The following XRRA1 variants were observed in gnomAD, a reference collection of about 807,000 sequenced individuals.
XRRA1 encodes the protein X-ray radiation resistance-associated protein 1.
XRRA1 carries 69 observed loss-of-function variants against 80.2 expected under a neutral mutation model. That is an observed-to-expected ratio of 0.86 (90% confidence interval 0.71 to 1.05). The LOEUF (loss-of-function observed/expected upper bound fraction) is 1.05, where lower values mean the gene tolerates loss of function less well. Ranked by LOEUF, XRRA1 falls within the 50% of genes least tolerant of loss-of-function variation. The probability of loss-of-function intolerance (pLI) is 0.00; values close to 1 mark genes in which losing one functional copy is unlikely to be tolerated. For synonymous variants in XRRA1, 348 were observed against 389.9 expected (o/e 0.89, Z 1.27); for missense variants, 967 against 976.4 (o/e 0.99, Z 0.13).
chr11:74,903,833 A>G (rs1384006875), intron 10 of XRRA1, among the ~76,000 whole-genome samples: 1 of 152,260 alleles, frequency 6.6e-6, no homozygotes, highest in Non-Finnish European at 1.5e-5. Context: ...TGTAAATTAC[A>G]AACACATTAC....
At chr11:74,938,462 G>C (rs1324116028) in intron 3 of XRRA1, among the ~76,000 whole-genome samples, 1 of 152,166 alleles carries the variant, frequency 6.6e-6, no homozygotes, top group Non-Finnish European at 1.5e-5. Context: ...ATCAACGGGA[G>C]AGAAAAGAGA....
At chr11:74,901,677 A>C (rs2053599458) in intron 10 of XRRA1, among the ~76,000 whole-genome samples, 1 of 152,212 alleles carries the variant, frequency 6.6e-6, no homozygotes. Context: ...GGTGCCAAGA[A>C]CACACATTGG....
chr11:74,882,357 C>G (rs1288676207), intron 10 of XRRA1, among the ~76,000 whole-genome samples: 5 of 150,796 alleles, frequency 3.3e-5, no homozygotes, highest in Non-Finnish European at 7.4e-5. Flanking sequence ...GTTTTCAGCT[C>G]CATCAGCTCC....
chr11:74,848,392 T>G lies in XRRA1; in HGVS notation c.1451A>C (p.Lys484Thr). The change falls in exon 15 of 19, where the codon AAG (lysine) becomes ACG (threonine). Residue 484 changes from lysine (K) to threonine (T), a missense_variant. By Grantham distance (78) the Lys-to-Thr change is moderately conservative. Coordinates refer to ENST00000684022, the MANE Select transcript of XRRA1 (RefSeq NM_001378157.1). ...VLHHPRMTTTKSPSKDMLEPE... is the reference protein window; with the variant it reads ...VLHHPRMTTTTSPSKDMLEPE... ...CTCTAGCATATCCTTTGAGGGAGAC[T>G]TGGTTGTCGTCATGCGCGGGTGATG... 5.0e-6 allele frequency: 8 copies of G among 1,613,896 alleles called. No homozygotes were observed. Among genetic ancestry groups the G allele is most frequent in the Non-Finnish European group, 6.8e-6 (8 of 1,179,864 alleles).
chr11:74,883,822 A>G (rs1262292009), intron 10 of XRRA1, among the ~76,000 whole-genome samples: 1 of 152,204 alleles, frequency 6.6e-6, no homozygotes, highest in Admixed American at 6.5e-5. Context: ...TACAGGGGGT[A>G]GAAAGAAATT....
rs200561399 is a variant in XRRA1, at chr11:74,843,450, G to A, written c.2153C>T (p.Ala718Val). 1.3e-3 allele frequency: 2,146 copies of A among 1,610,934 alleles called. 2 individuals carry two copies. The highest frequency in any genetic ancestry group is 1.5e-3 in the Non-Finnish European group (1,796 of 1,178,696). The change falls in exon 19 of 19, where the codon GCT becomes GTT. Residue 718 changes from alanine to valine, a missense_variant. Ala to Val is a moderately conservative substitution (Grantham distance 64, BLOSUM62 0). Transcript: ENST00000684022. ...CCGTTCTGTCCACTGGTGCAGGACA[G>A]CACCTGCAGGAAAAGAAGCCAGGAG... is the stretch of plus-strand genomic sequence containing the variant. The part of the protein sequence containing the change: ...PRNITEAPLG[A>V]VLHQWTERRL...
chr11:74,897,853 G>C (rs1009705808), intron 10 of XRRA1, among the ~76,000 whole-genome samples: 1 of 151,790 alleles, frequency 6.6e-6, no homozygotes, highest in Admixed American at 6.6e-5. Flanking sequence ...TGTCCTACAA[G>C]AAATGCAAAA....
At chr11:74,844,015 G>T (rs747065454) in intron 17 of XRRA1, 56 bp from the exon 18 acceptor site, 1 of 1,534,786 alleles carries the variant, frequency 6.5e-7, no homozygotes, top group Non-Finnish European at 9.0e-7. Flanking sequence ...AGACTTCCCT[G>T]GCCTAACTTC....
chr11:74,876,738 C>T (rs2046128800), intron 10 of XRRA1: 2 of 152,142 alleles, frequency 1.3e-5, no homozygotes, highest in South Asian at 4.1e-4. Context: ...CCTGGATATC[C>T]ATGTGAAGAA....
At chr11:74,894,630 C>G (rs780900951) in intron 10 of XRRA1, among the ~76,000 whole-genome samples, 1 of 152,148 alleles carries the variant, frequency 6.6e-6, no homozygotes, top group Non-Finnish European at 1.5e-5. Flanking sequence ...TGAGAACTCA[C>G]TATCATGAGA....
At position 74,843,573 on chromosome 11, in the gene XRRA1, G is replaced by A. The variant is rs912479093; in HGVS notation, c.2150-120C>T. On this transcript the variant is annotated intron_variant, in intron 18 of 18. Transcript: ENST00000684022. The stretch of plus-strand genomic sequence containing the variant: ...GGATGGTGTGGCAGGAGGATGCTAA[G>A]GGGCTAAAAATGGCCTTTCCAGCTT... The A allele has an allele frequency of 2.6e-5, 36 of 1,405,550 alleles. No individual in the cohort carries two copies. The Admixed American group carries it at 8.2e-4, about 32-fold the overall frequency. 87.1% of individuals were successfully genotyped at this position (1,405,550 alleles called of 1,614,324 possible). A position where few individuals can be genotyped will look rare whatever the true frequency, so the allele number is the denominator to read the frequency against.
intron 17 of XRRA1, 26 bp downstream of exon 17, chr11:74,844,142 A>G: frequency 6.2e-7 from 1 of 1,602,366 alleles, no homozygotes; most frequent in Non-Finnish European, 8.6e-7. Context: ...GGGGCCATTT[A>G]CACATTCAGT....
chr11:74,841,416 G>A lies in XRRA1; in HGVS notation c.*1784C>T, dbSNP rs1428782552. Reference sequence around the variant, plus strand: ...CTGCTGTAGCTTTCTGAAGAAGATTGTAGAAAAGAGACTAAGATATATGCA... The same window carrying A: ...CTGCTGTAGCTTTCTGAAGAAGATTATAGAAAAGAGACTAAGATATATGCA... On this transcript the variant is annotated 3_prime_UTR_variant, in exon 19 of 19. Coordinates refer to ENST00000684022, the MANE Select transcript of XRRA1 (RefSeq NM_001378157.1). The A allele has an allele frequency of 6.6e-6, 1 of 152,180 alleles. No individual in the cohort carries two copies. Among genetic ancestry groups the A allele is most frequent in the East Asian group, 1.9e-4 (1 of 5,200 alleles). 9.4% of individuals were successfully genotyped at this position (152,180 alleles called of 1,614,324 possible).
chr11:74,911,832 A>C (rs1483439542), intron 8 of XRRA1, among the ~76,000 whole-genome samples: 1 of 152,234 alleles, frequency 6.6e-6, no homozygotes, highest in African/African-American at 2.4e-5. Context: ...GAGGGCATAT[A>C]CTTATCCTGT....
intron 5 of XRRA1, among the ~76,000 whole-genome samples, chr11:74,931,600 C>T (rs1281860435): frequency 6.6e-6 from 1 of 152,250 alleles, no homozygotes; most frequent in Non-Finnish European, 1.5e-5. Flanking sequence ...GCTAGGATTA[C>T]AGGCATGAGC....
intron 7 of XRRA1, 72 bp from the exon 8 acceptor site, chr11:74,921,419 A>C: frequency 3.2e-6 from 5 of 1,584,468 alleles, no homozygotes; most frequent in Non-Finnish European, 4.3e-6. Context: ...ATGATGTGGG[A>C]GCTACTTTCT....
intron 10 of XRRA1, chr11:74,876,477 C>G (rs900899031): frequency 3.3e-5 from 5 of 152,172 alleles, no homozygotes; most frequent in African/African-American, 1.2e-4. Context: ...TCACTTCCAA[C>G]AGGAATTAAC....
chr11:74,919,937 T>C, intron 8 of XRRA1: 1 of 300,360 alleles, frequency 3.3e-6, no homozygotes, highest in Non-Finnish European at 6.3e-6. Flanking sequence ...TTCAAAAATC[T>C]ATAGACAGTC....
At chr11:74,847,393 T>C (rs1565216406) in intron 15 of XRRA1, among the ~76,000 whole-genome samples, 1 of 152,182 alleles carries the variant, frequency 6.6e-6, no homozygotes, top group African/African-American at 2.4e-5. Context: ...CCAACTCTTC[T>C]AGCCTTATAT....
Sources: gnomAD v4.1 joint callset for allele counts (sites outside exome capture counted in the v4.1 genomes callset) on GRCh38, gnomAD v4.1.1 for gene constraint, MANE v1.5 for transcripts, NCBI Gene and HGNC (gene_info 2026-07-23, HGNC 2026-07-21) for gene names.